The following PLXNA4 variants were observed in gnomAD, a reference collection of about 807,000 sequenced individuals.
The protein encoded by PLXNA4 is plexin-A4.
PLXNA4 carries 44 observed loss-of-function variants against 191.8 expected under a neutral mutation model. The ratio of observed to expected loss-of-function variants is 0.23; its 90% CI spans 0.18 to 0.29. The LOEUF (loss-of-function observed/expected upper bound fraction) is 0.29, where lower values mean the gene tolerates loss of function less well. Ranked by LOEUF, PLXNA4 falls within the 10% of genes least tolerant of loss-of-function variation. The pLI, the probability that PLXNA4 is intolerant of heterozygous loss-of-function variation, is 1.00. For synonymous variants in PLXNA4, 1,082 were observed against 1,009.5 expected (o/e 1.07, Z -1.36); for missense variants, 1,800 against 2,488.8 (o/e 0.72, Z 5.89).
chr7:132,329,732 G>A (rs756783911), intron 3 of PLXNA4, among the ~76,000 whole-genome samples: 1 of 152,106 alleles, frequency 6.6e-6, no homozygotes, highest in Non-Finnish European at 1.5e-5. Context: ...CTTGTCTCTG[G>A]GGGCCCTCAG....
At chr7:132,263,480 C>T (rs996940536) in intron 4 of PLXNA4, among the ~76,000 whole-genome samples, 9 of 152,194 alleles carry the variant, frequency 5.9e-5, no homozygotes, top group African/African-American at 1.9e-4. Flanking sequence ...AGCTTCTTTA[C>T]GGTAAAATAG....
chr7:132,131,047 G>T (rs1794911891), intron 31 of PLXNA4, among the ~76,000 whole-genome samples: 1 of 152,092 alleles, frequency 6.6e-6, no homozygotes, highest in Non-Finnish European at 1.5e-5. Context: ...GCTCCTTGAG[G>T]CCCCAAATTC....
intron 20 of PLXNA4, among the ~76,000 whole-genome samples, chr7:132,178,945 G>GCA (rs553708028): frequency 2.9e-5 from 3 of 101,896 alleles, no homozygotes; most frequent in Non-Finnish European, 5.6e-5. Flanking sequence ...ACACACACGT[G>GCA]CACACACACA....
intron 31 of PLXNA4, among the ~76,000 whole-genome samples, chr7:132,132,558 T>C (rs564883118): frequency 2.0e-5 from 3 of 151,060 alleles, no homozygotes; most frequent in East Asian, 1.9e-4. Context: ...TTCTATTCTA[T>C]TCTACTCCGT....
rs796315081 is a variant in PLXNA4, at chr7:132,621,235, GGTTTTTTTTTGTT to G, written c.-87+24680_-87+24692del. On this transcript the variant is annotated intron_variant, in intron 2 of 4. Coordinates refer to the PLXNA4 transcript ENST00000378539. ...TCATTTAGGTGATTTTTAATCTCTT[GGTTTTTTTTTGTT>G]TTTTTTTTTTGGTTTTTTTGTTTTT... Among the ~76,000 whole-genome samples, 7 of 137,388 alleles carry G rather than the reference GGTTTTTTTTTGTT, an allele frequency of 5.1e-5. No homozygotes were observed. In the Admixed American group the frequency reaches 5.3e-4, roughly 10 times the overall value. The allele number at this position is 137,388 out of a possible 152,430, so 90.1% of individuals were successfully genotyped here.
chr7:132,256,201 C>T (rs747473990), intron 4 of PLXNA4, among the ~76,000 whole-genome samples: 3 of 152,226 alleles, frequency 2.0e-5, no homozygotes, highest in African/African-American at 4.8e-5. Context: ...CATGAGGATG[C>T]AGCCTCCAGA....
In PLXNA4 at chr7:132,170,420, G is replaced by T. The variant is rs529585528; in HGVS notation, c.4018-1848C>A. Among the ~76,000 whole-genome samples, 50 of 152,264 alleles carry T rather than the reference G, an allele frequency of 3.3e-4. 1 individual carries two copies. Among genetic ancestry groups the T allele is most frequent in the African/African-American group, 1.1e-3 (45 of 41,540 alleles). The stretch of plus-strand genomic sequence containing the variant: ...GACCATGATGTAAACTGAAAGGAGA[G>T]GGGGTATGAAAAGCTGATGCACATC... On this transcript the variant is annotated intron_variant, in intron 21 of 31. Coordinates refer to ENST00000321063, the MANE Select transcript of PLXNA4 (RefSeq NM_020911.2).
chr7:132,208,768 C>T (rs111723260), intron 10 of PLXNA4, among the ~76,000 whole-genome samples: 1 of 152,280 alleles, frequency 6.6e-6, no homozygotes, highest in Non-Finnish European at 1.5e-5. Context: ...GGAGCCCAGC[C>T]GTTCCCTTCC....
rs1188333455 is a variant in PLXNA4, at chr7:132,268,353, T to C, written c.1504-27187A>G. Among the ~76,000 whole-genome samples the C allele has an allele frequency of 2.0e-5, 3 of 152,232 alleles. No individual in the cohort carries two copies. In the East Asian group the frequency reaches 5.8e-4, roughly 29 times the overall value. On this transcript the variant is annotated intron_variant, in intron 4 of 31. Transcript: ENST00000321063. ...CAGTGAAACTACAGCACCATGGAAA[T>C]ACCATGCATGACAGTTTCCTCCTTT... is the stretch of plus-strand genomic sequence containing the variant.
At chr7:132,165,232 C>G (rs765787939) in intron 22 of PLXNA4, 32 bp from the exon 23 acceptor site, 1 of 1,603,770 alleles carries the variant, frequency 6.2e-7, no homozygotes, top group Non-Finnish European at 8.5e-7. Context: ...ACCAACGGAA[C>G]AAGACAAAGA....
Position 132,612,660 on chromosome 7 carries a change from T to A in PLXNA4, c.-87+33268A>T, listed in dbSNP as rs1487105325. Among the ~76,000 whole-genome samples the A allele has an allele frequency of 3.8e-4, 41 of 106,972 alleles. 1 individual carries two copies. Among genetic ancestry groups the A allele is most frequent in the Admixed American group, 6.8e-4 (6 of 8,850 alleles). The allele number at this position is 106,972 out of a possible 152,430, so 70.2% of individuals were successfully genotyped here. A position where few individuals can be genotyped will look rare whatever the true frequency, so the allele number is the denominator to read the frequency against. ...GCCTGGGCAACAGAAAGAGTCTCCA[T>A]CTCAAAAAAAAAAAAAAAAAAAAAG... On this transcript the variant is annotated intron_variant, in intron 2 of 4. Coordinates refer to the PLXNA4 transcript ENST00000378539.
chr7:132,497,094 T>C (rs1338843035), intron 2 of PLXNA4, among the ~76,000 whole-genome samples: 1 of 149,974 alleles, frequency 6.7e-6, no homozygotes, highest in Non-Finnish European at 1.5e-5. Context: ...TTCCCATTAA[T>C]TACACTTATG....
chr7:132,368,622 A>T (rs1173212026), intron 3 of PLXNA4, among the ~76,000 whole-genome samples: 2 of 152,184 alleles, frequency 1.3e-5, no homozygotes, highest in Non-Finnish European at 2.9e-5. Context: ...CACCTGATGG[A>T]CACACAGGTG....
intron 1 of PLXNA4, among the ~76,000 whole-genome samples, chr7:132,529,793 G>T (rs1263298277): frequency 6.6e-6 from 1 of 152,102 alleles, no homozygotes; most frequent in Non-Finnish European, 1.5e-5. Context: ...TTTTAGTAGA[G>T]ACGGGGTTTC....
chr7:132,325,610 G>T (rs575097650), intron 3 of PLXNA4, among the ~76,000 whole-genome samples: 1 of 152,300 alleles, frequency 6.6e-6, no homozygotes, highest in South Asian at 2.1e-4. Flanking sequence ...CAATGAAGCT[G>T]CCAGGCAAGG....
At chr7:132,471,068 C>T (rs1252480878) in intron 3 of PLXNA4, among the ~76,000 whole-genome samples, 1 of 152,130 alleles carries the variant, frequency 6.6e-6, no homozygotes, top group Non-Finnish European at 1.5e-5. Flanking sequence ...TTAGTACCAT[C>T]CGCTTGGTGC....
chr7:132,378,223 G>A (rs1804742890), intron 3 of PLXNA4, among the ~76,000 whole-genome samples: 1 of 152,186 alleles, frequency 6.6e-6, no homozygotes, highest in South Asian at 2.1e-4. Flanking sequence ...AGAGGTGATT[G>A]TTGCTCTGTG....
At position 132,413,831 on chromosome 7, in the gene PLXNA4, T is replaced by A. The variant is rs531701484; in HGVS notation, c.1371+75461A>T. Among the ~76,000 whole-genome samples, 36 of 152,258 alleles carry A rather than the reference T, an allele frequency of 2.4e-4. No individual in the cohort carries two copies. In the South Asian group the frequency reaches 7.0e-3, roughly 30 times the overall value. On this transcript the variant is annotated intron_variant, in intron 3 of 31. Transcript: ENST00000321063. ...AGAGTATATACACCCATGACCACTA[T>A]ACACTCCTCACTCCCAACCCCATAT...
intron 4 of PLXNA4, among the ~76,000 whole-genome samples, chr7:132,268,630 C>T (rs1799943700): frequency 6.6e-6 from 1 of 152,204 alleles, no homozygotes; most frequent in Non-Finnish European, 1.5e-5. Context: ...GAGCTAAATG[C>T]TTCATGTGAA....
Sources: gnomAD v4.1 joint callset for allele counts (sites outside exome capture counted in the v4.1 genomes callset) on GRCh38, gnomAD v4.1.1 for gene constraint, MANE v1.5 for transcripts, NCBI Gene and HGNC (gene_info 2026-07-23, HGNC 2026-07-21) for gene names.